Variants in CYP2U1 observed in about 807,000 individuals in gnomAD.
CYP2U1 encodes cytochrome P450 family 2 subfamily U member 1.
In CYP2U1, 28 loss-of-function variants were observed where a neutral mutation model predicts 42.8. That is an observed-to-expected ratio of 0.65 (90% CI 0.48 to 0.90). CYP2U1 has a LOEUF of 0.90. Ranked by LOEUF, CYP2U1 falls within the 40% of genes least tolerant of loss-of-function variation. The probability of loss-of-function intolerance (pLI) is 0.00; values close to 1 mark genes in which losing one functional copy is unlikely to be tolerated. For synonymous variants in CYP2U1, 296 were observed against 278.9 expected, an observed-to-expected ratio of 1.06 and a Z score of -0.61; for missense variants, 642 against 693.8, an observed-to-expected ratio of 0.93 and a Z score of 0.84.
At chr4:107,943,913 T>C (rs373970259) in intron 1 of CYP2U1, among the ~76,000 whole-genome samples, 4 of 152,188 alleles carry the variant, frequency 2.6e-5, no homozygotes, top group African/African-American at 9.7e-5. Flanking sequence ...TGATACAACA[T>C]CTGGGAGCAA....
Position 107,931,849 on chromosome 4 carries a change from T to C in CYP2U1, c.206T>C (p.Val69Ala), listed in dbSNP as rs1467659782. Residue 69 changes from valine to alanine, a missense_variant, in exon 1 of 5, where the codon GTG (valine) becomes GCG (alanine). Physicochemically the swap from Val to Ala is moderately conservative, Grantham distance 64. Transcript: ENST00000332884. Reference protein sequence around the residue: ...IPPGPTPWPLVGNFGHVLLPP... With the variant: ...IPPGPTPWPLAGNFGHVLLPP... ...CCCGGGCCCACGCCCTGGCCTCTGG[T>C]GGGCAACTTCGGTCACGTGCTGCTG... The C allele has an allele frequency of 1.3e-6, 2 of 1,543,260 alleles. No individual in the cohort carries two copies. Among genetic ancestry groups the C allele is most frequent in the Non-Finnish European group, 1.7e-6 (2 of 1,143,162 alleles).
intron 1 of CYP2U1, 110 bp downstream of exon 1, chr4:107,932,243 C>T (rs1733031615): frequency 2.7e-6 from 4 of 1,454,988 alleles, no homozygotes; most frequent in Non-Finnish European, 3.6e-6. Flanking sequence ...CCCCAGGCTG[C>T]CTCACACCTG....
chr4:107,940,351 G>T (rs1033761361), intron 1 of CYP2U1: 6 of 152,000 alleles, frequency 3.9e-5, no homozygotes, highest in Non-Finnish European at 7.4e-5. Flanking sequence ...CTCCCAACCT[G>T]CTAGGATTAC....
At chr4:107,940,373 A>C (rs1247396230) in intron 1 of CYP2U1, 3 of 152,184 alleles carry the variant, frequency 2.0e-5, no homozygotes, top group African/African-American at 7.2e-5. Context: ...GGCATGAGCC[A>C]CCATGCCCGG....
At chr4:107,941,240 TATATAA>T (rs1163983904) in intron 1 of CYP2U1, 1 of 152,090 alleles carries the variant, frequency 6.6e-6, no homozygotes, top group African/African-American at 2.4e-5. Flanking sequence ...AGCATATATA[TATATAA>T]ATATAAATCT....
chr4:107,944,839 C>CATATTTATATATATATATAT (rs1733627358), intron 1 of CYP2U1, 131 bp from the exon 2 acceptor site: 1 of 63,220 alleles, frequency 1.6e-5, no homozygotes, highest in African/African-American at 6.5e-5. Flanking sequence ...TTTATATATA[C>CATATTTATATATATATATAT]ATATATATAT....
Position 107,947,400 on chromosome 4 carries a change from G to T in CYP2U1, c.1151G>T (p.Arg384Ile), listed in dbSNP as rs142676629. Reference protein sequence around the residue: ...VQEKVHEEIERVIGANRAPSL... With the variant: ...VQEKVHEEIEIVIGANRAPSL... ...GAAAAGGTTCATGAAGAAATTGAAAGAGTCATTGGCGCCAACCGAGCTCCT... is the reference window on the plus strand; with the variant it reads ...GAAAAGGTTCATGAAGAAATTGAAATAGTCATTGGCGCCAACCGAGCTCCT... The change falls in exon 3 of 5, where the codon AGA (arginine) becomes ATA (isoleucine). Residue 384 changes from arginine to isoleucine, a missense_variant. Physicochemically the swap from Arg to Ile is moderately conservative, Grantham distance 97. Coordinates refer to ENST00000332884, the MANE Select transcript of CYP2U1 (RefSeq NM_183075.3). The T allele has an allele frequency of 2.9e-3, 4,627 of 1,614,088 alleles. 5 individuals carry two copies. The highest frequency in any genetic ancestry group is 3.5e-3 in the Non-Finnish European group (4,133 of 1,179,976).
intron 1 of CYP2U1, chr4:107,937,871 AT>A (rs1733331874): frequency 6.6e-6 from 1 of 152,198 alleles, no homozygotes; most frequent in African/African-American, 2.4e-5. Context: ...AATTTTAAAA[AT>A]TGCTTTTTAT....
At position 107,931,617 on chromosome 4, in the gene CYP2U1, G is replaced by T. The variant is rs898944464; in HGVS notation, c.-27G>T. On this transcript the variant is annotated 5_prime_UTR_variant, in exon 1 of 5. Coordinates refer to ENST00000332884, the MANE Select transcript of CYP2U1 (RefSeq NM_183075.3). ...GCGCGTCTCCTCCAGGCAGCAAGGG[G>T]AACCCGAGGCCGCCGGCGCCCGGAC... 1.6e-6 allele frequency: 2 copies of T among 1,251,020 alleles called. No homozygotes were observed. The highest frequency in any genetic ancestry group is 2.0e-6 in the Non-Finnish European group (2 of 1,001,314). The allele number at this position is 1,251,020 out of a possible 1,614,324, so 77.5% of individuals were successfully genotyped here.
chr4:107,950,322 G>A lies in CYP2U1; in HGVS notation c.1534G>A (p.Ala512Thr), dbSNP rs150818323. 2.5e-5 allele frequency: 41 copies of A among 1,613,850 alleles called. No homozygotes were observed. The highest frequency in any genetic ancestry group is 3.3e-4 in the Middle Eastern group (2 of 6,082). Residue 512 changes from alanine (A) to threonine (T), a missense_variant, in exon 5 of 5, where the codon GCA becomes ACA. Physicochemically the swap from Ala to Thr is moderately conservative, Grantham distance 58. Transcript: ENST00000332884. Reference sequence around the variant, plus strand: ...GTTTGTGAGCCTAATGCAGAGTTTCGCATTTGCTTTACCTGAGGATTCTAA... The same window carrying A: ...GTTTGTGAGCCTAATGCAGAGTTTCACATTTGCTTTACCTGAGGATTCTAA... ...LMFVSLMQSF[A>T]FALPEDSKKP...
At chr4:107,935,330 A>G (rs1168086826) in intron 1 of CYP2U1, among the ~76,000 whole-genome samples, 1 of 152,154 alleles carries the variant, frequency 6.6e-6, no homozygotes, top group Non-Finnish European at 1.5e-5. Context: ...CCTGGAGGCA[A>G]TTTGGTGCTT....
intron 1 of CYP2U1, 41 bp from the exon 2 acceptor site, chr4:107,944,929 A>G: frequency 6.4e-7 from 1 of 1,556,716 alleles, no homozygotes; most frequent in Non-Finnish European, 8.6e-7. Context: ...TGTTATCAGG[A>G]ATACTGTTTC....
At chr4:107,932,431 G>A (rs552479303) in intron 1 of CYP2U1, among the ~76,000 whole-genome samples, 3 of 152,216 alleles carry the variant, frequency 2.0e-5, no homozygotes, top group Non-Finnish European at 2.9e-5. Context: ...GGCAAGCCAG[G>A]TTCCATCTTT....
Position 107,945,467 on chromosome 4 carries a change from A to G in CYP2U1, c.988A>G (p.Lys330Glu). Reference sequence around the variant, plus strand: ...CCTTCTCCACATGGAAGAGGAGAGGAAAAATAATAGTAACAGCAGTTTTGA... The same window carrying G: ...CCTTCTCCACATGGAAGAGGAGAGGGAAAATAATAGTAACAGCAGTTTTGA... ...MYLLHMEEERKNNSNSSFDEE... is the reference protein window; with the variant it reads ...MYLLHMEEERENNSNSSFDEE... The change falls in exon 2 of 5, where the codon AAA (lysine) becomes GAA (glutamate). Residue 330 changes from lysine to glutamate, a missense_variant. Coordinates refer to ENST00000332884, the MANE Select transcript of CYP2U1 (RefSeq NM_183075.3). 1 of 1,614,122 alleles carries G rather than the reference A, an allele frequency of 6.2e-7. No individual in the cohort carries two copies. Among genetic ancestry groups the G allele is most frequent in the South Asian group, 1.1e-5 (1 of 91,086 alleles).
At chr4:107,949,608 T>C in intron 4 of CYP2U1, 91 bp downstream of exon 4, 1 of 1,170,846 alleles carries the variant, frequency 8.5e-7, no homozygotes, top group Non-Finnish European at 1.1e-6. Context: ...AAAATGTTTC[T>C]TTCTTGGCAA....
Position 107,944,990 on chromosome 4 carries a change from G to T in CYP2U1, c.511G>T (p.Gly171Cys), listed in dbSNP as rs1340165968. 1 of 1,611,804 alleles carries T rather than the reference G, an allele frequency of 6.2e-7. No individual in the cohort carries two copies. Residue 171 changes from glycine to cysteine, a missense_variant, in exon 2 of 5, where the codon GGT (glycine) becomes TGT (cysteine). Coordinates refer to ENST00000332884, the MANE Select transcript of CYP2U1 (RefSeq NM_183075.3). ...TGCAGGGGTTGTGTTTGCACATTAT[G>T]GTCCCGTCTGGAGACAACAAAGGAA... Reference protein sequence around the residue: ...KEKGVVFAHYGPVWRQQRKFS... With the variant: ...KEKGVVFAHYCPVWRQQRKFS...
At chr4:107,936,643 C>T (rs999123971) in intron 1 of CYP2U1, 1 of 152,348 alleles carries the variant, frequency 6.6e-6, no homozygotes, top group Non-Finnish European at 1.5e-5. Flanking sequence ...CAACACAAAA[C>T]AGGGTAAGAC....
At chr4:107,945,744 T>C in intron 2 of CYP2U1, 139 bp downstream of exon 2, 1 of 1,171,162 alleles carries the variant, frequency 8.5e-7, no homozygotes, top group Middle Eastern at 2.7e-4. Flanking sequence ...TCATAGGGAG[T>C]TGGTAAGATG....
rs952958987 is a variant in CYP2U1, at chr4:107,953,061, T to G, written c.*2638T>G. The stretch of plus-strand genomic sequence containing the variant: ...ACTGTACCTTGGGCGGGAGAGTTTG[T>G]TCTTGATATGGAATTCATATGCTTT... On this transcript the variant is annotated 3_prime_UTR_variant, in exon 5 of 5. Coordinates refer to ENST00000332884, the MANE Select transcript of CYP2U1 (RefSeq NM_183075.3). 1.3e-5 allele frequency: 2 copies of G among 152,190 alleles called. No individual in the cohort carries two copies. Among genetic ancestry groups the G allele is most frequent in the Non-Finnish European group, 2.9e-5 (2 of 68,032 alleles). 9.4% of individuals were successfully genotyped at this position (152,190 alleles called of 1,614,324 possible).
Sources: allele counts gnomAD v4.1 joint callset (sites outside exome capture counted in the v4.1 genomes callset), GRCh38; gene constraint gnomAD v4.1.1; transcripts MANE v1.5; gene names NCBI Gene and HGNC (gene_info 2026-07-23, HGNC 2026-07-21).